PAMR1: variants seen among roughly 807,000 people sequenced by gnomAD.
The protein encoded by PAMR1 is inactive serine protease PAMR1.
In PAMR1, 88 loss-of-function variants were observed where a neutral mutation model predicts 81.8. The ratio of observed to expected loss-of-function variants is 1.08; its 90% CI spans 0.91 to 1.28. PAMR1 has a LOEUF of 1.28. PAMR1 is among the 50% of genes most tolerant of loss of function. PAMR1 has a pLI of 0.00. For synonymous variants in PAMR1, 336 were observed against 345.3 expected, an observed-to-expected ratio of 0.97 and a Z score of 0.30; for missense variants, 935 against 919.7, an observed-to-expected ratio of 1.02 and a Z score of -0.21.
upstream of PAMR1, among the ~76,000 whole-genome samples, chr11:35,529,501 T>C (rs1232313984): frequency 9.9e-5 from 15 of 152,210 alleles, no homozygotes; most frequent in Admixed American, 9.2e-4. Flanking sequence ...TACTGACTAA[T>C]GTTGAATGCA....
chr11:35,453,287 G>A (rs1244447947), intron 6 of PAMR1: 1 of 152,132 alleles, frequency 6.6e-6, no homozygotes, highest in East Asian at 1.9e-4. Flanking sequence ...CCATTGTTGG[G>A]CCTATTCAAA....
chr11:35,437,464 A>G (rs537523364), intron 8 of PAMR1, among the ~76,000 whole-genome samples: 1 of 152,330 alleles, frequency 6.6e-6, no homozygotes, highest in East Asian at 1.9e-4. Context: ...TCTTGGTTTC[A>G]TTCAACAAAT....
At chr11:35,454,274 T>G (rs964387756) in intron 6 of PAMR1, among the ~76,000 whole-genome samples, 1 of 152,204 alleles carries the variant, frequency 6.6e-6, no homozygotes, top group Non-Finnish European at 1.5e-5. Context: ...CACCCTGTAC[T>G]TCATATGTGT....
At chr11:35,484,968 G>A (rs1022384923) in intron 3 of PAMR1, among the ~76,000 whole-genome samples, 15 of 152,224 alleles carry the variant, frequency 9.9e-5, no homozygotes, top group African/African-American at 3.6e-4. Flanking sequence ...GAAACCCTAA[G>A]AGGAAGCCTT....
chr11:35,494,565 C>A (rs978015471), intron 1 of PAMR1, among the ~76,000 whole-genome samples: 4 of 152,172 alleles, frequency 2.6e-5, no homozygotes, highest in African/African-American at 9.7e-5. Context: ...GATTTCCTCA[C>A]CTCGTGATCC....
At position 35,441,570 on chromosome 11, in the gene PAMR1, C is replaced by G; in HGVS notation, c.944G>C (p.Cys315Ser). 1 of 1,614,030 alleles carries G rather than the reference C, an allele frequency of 6.2e-7. No individual in the cohort carries two copies. Among genetic ancestry groups the G allele is most frequent in the Non-Finnish European group, 8.5e-7 (1 of 1,179,940 alleles). ...AKIGTVVSFFCNNSYVLSGNE... is the reference protein window; with the variant it reads ...AKIGTVVSFFSNNSYVLSGNE... The stretch of plus-strand genomic sequence containing the variant: ...GCCACTAAGAACATAGGAGTTGTTA[C>G]AAAAGAAAGACACCACGGTGCCAAT... The change falls in exon 7 of 11, where the codon TGT (cysteine) becomes TCT (serine). Residue 315 changes from cysteine (C) to serine (S), a missense_variant. Coordinates refer to ENST00000619888, the MANE Select transcript of PAMR1 (RefSeq NM_001001991.3).
At chr11:35,499,269 G>T (rs1850785168) in intron 1 of PAMR1, among the ~76,000 whole-genome samples, 1 of 151,998 alleles carries the variant, frequency 6.6e-6, no homozygotes, top group African/African-American at 2.4e-5. Flanking sequence ...CCTGCCTTGG[G>T]TTCATATTTC....
chr11:35,450,536 G>GGCAGATAAA (rs752605139), intron 6 of PAMR1, among the ~76,000 whole-genome samples: 13 of 152,192 alleles, frequency 8.5e-5, no homozygotes, highest in Non-Finnish European at 1.8e-4. Flanking sequence ...GGGAGGAAAA[G>GGCAGATAAA]GCAGATAAAG....
chr11:35,447,359 C>T (rs562098636), intron 6 of PAMR1, among the ~76,000 whole-genome samples: 299 of 152,156 alleles, frequency 2.0e-3, no homozygotes, highest in Non-Finnish European at 3.6e-3. Context: ...CCTGCTACCA[C>T]GCCCGGCTAA....
chr11:35,434,135 TC>T (rs1041516570), intron 10 of PAMR1, among the ~76,000 whole-genome samples: 5 of 152,186 alleles, frequency 3.3e-5, no homozygotes, highest in Non-Finnish European at 7.3e-5. Flanking sequence ...GCTAACGGTT[TC>T]AGGCAGAGCC....
At chr11:35,478,609 T>C (rs543179991) in intron 3 of PAMR1, among the ~76,000 whole-genome samples, 1 of 152,278 alleles carries the variant, frequency 6.6e-6, no homozygotes, top group Non-Finnish European at 1.5e-5. Flanking sequence ...CTCTTGCCTC[T>C]ACTTGGAGAG....
rs1856165839 is a variant in PAMR1 at position 35,441,539 on chromosome 11, C to T, written c.975G>A (p.Glu325=). 1 of 1,613,838 alleles carries T rather than the reference C, an allele frequency of 6.2e-7. No individual in the cohort carries two copies. The highest frequency in any genetic ancestry group is 2.2e-5 in the East Asian group (1 of 44,886). Residue 325 remains glutamate (E), a synonymous_variant, in exon 7 of 11, where the codon GAG becomes GAA. Transcript: ENST00000619888. ...CNNSYVLSGN[E]KRTCQQNGEW... is the part of the protein sequence containing the mutation. ...CTCCATTCTGCTGGCAAGTTCTTTT[C>T]TCATTGCCACTAAGAACATAGGAGT...
chr11:35,485,278 A>G (rs1850477293), intron 3 of PAMR1, among the ~76,000 whole-genome samples: 1 of 152,204 alleles, frequency 6.6e-6, no homozygotes, highest in African/African-American at 2.4e-5. Context: ...TGAGTCTTAA[A>G]GTGCAGAAAA....
chr11:35,469,223 G>A (rs1856807643), intron 5 of PAMR1, among the ~76,000 whole-genome samples: 1 of 152,208 alleles, frequency 6.6e-6, no homozygotes, highest in Non-Finnish European at 1.5e-5. Flanking sequence ...ATATCTTGAA[G>A]GCAAGTGAAC....
intron 6 of PAMR1, among the ~76,000 whole-genome samples, chr11:35,459,359 T>G (rs1856602827): frequency 6.6e-6 from 1 of 152,208 alleles, no homozygotes; most frequent in South Asian, 2.1e-4. Flanking sequence ...CATTTGACAG[T>G]GTAGATGGGT....
chr11:35,436,782 A>G (rs1856056582), intron 8 of PAMR1, among the ~76,000 whole-genome samples: 1 of 152,178 alleles, frequency 6.6e-6, no homozygotes, highest in South Asian at 2.1e-4. Context: ...CAACTGCTTA[A>G]GATTTTAACC....
chr11:35,436,842 C>T (rs533056269), intron 8 of PAMR1, among the ~76,000 whole-genome samples: 1 of 152,288 alleles, frequency 6.6e-6, no homozygotes, highest in East Asian at 1.9e-4. Flanking sequence ...GTACATTATA[C>T]ATGCACACAC....
chr11:35,498,279 C>T (rs995957796), intron 1 of PAMR1, among the ~76,000 whole-genome samples: 1 of 152,092 alleles, frequency 6.6e-6, no homozygotes, highest in African/African-American at 2.4e-5. Flanking sequence ...TGAGAGAGAA[C>T]AAATTGGTTA....
intron 1 of PAMR1, 40 bp from the exon 2 acceptor site, chr11:35,494,312 G>A (rs1209409403): frequency 7.8e-6 from 12 of 1,542,712 alleles, no homozygotes; most frequent in African/African-American, 1.4e-5. Context: ...GGTCCTGGCA[G>A]GGAGTGGTAA....
Sources: gnomAD v4.1 joint callset for allele counts (sites outside exome capture counted in the v4.1 genomes callset) on GRCh38, gnomAD v4.1.1 for gene constraint, MANE v1.5 for transcripts, NCBI Gene and HGNC (gene_info 2026-07-23, HGNC 2026-07-21) for gene names.